Variants in TBC1D2 observed in about 807,000 individuals in gnomAD.
TBC1D2 encodes TBC1 domain family member 2.
A neutral mutation model predicts 91.1 loss-of-function variants in TBC1D2; 58 were observed. That is an observed-to-expected ratio of 0.64 (90% CI 0.52 to 0.79). The LOEUF (loss-of-function observed/expected upper bound fraction) is 0.79. TBC1D2 is among the 30% of genes least tolerant of loss of function. The pLI is 0.00. For synonymous variants in TBC1D2, 482 were observed against 511.5 expected, an observed-to-expected ratio of 0.94 and a Z score of 0.78; for missense variants, 1,080 against 1,208.3, an observed-to-expected ratio of 0.89 and a Z score of 1.57.
At chr9:98,237,776 G>A (rs1829543302) in intron 3 of TBC1D2, among the ~76,000 whole-genome samples, 1 of 151,782 alleles carries the variant, frequency 6.6e-6, no homozygotes, top group South Asian at 2.1e-4. Context: ...TGAATTTTAG[G>A]TTTAACTTGT....
At chr9:98,244,738 A>G (rs1034242768) in intron 2 of TBC1D2, among the ~76,000 whole-genome samples, 2 of 151,084 alleles carry the variant, frequency 1.3e-5, no homozygotes, top group African/African-American at 4.9e-5. Flanking sequence ...ATGGAAGTGC[A>G]GACAAAACTT....
At chr9:98,208,459 A>G (rs1246103575) in intron 9 of TBC1D2, among the ~76,000 whole-genome samples, 1 of 152,162 alleles carries the variant, frequency 6.6e-6, no homozygotes, top group Non-Finnish European at 1.5e-5. Context: ...AGAGTTCACA[A>G]TAGGGTTCAC....
At chr9:98,205,474 C>T (rs534247528) in intron 9 of TBC1D2, among the ~76,000 whole-genome samples, 1 of 152,312 alleles carries the variant, frequency 6.6e-6, no homozygotes, top group South Asian at 2.1e-4. Context: ...TAGCATTAGA[C>T]CATCACTAAA....
intron 4 of TBC1D2, among the ~76,000 whole-genome samples, chr9:98,232,343 T>TTTTTTTTTTTGTTTTTTTTTTTG (rs72298863): frequency 9.2e-6 from 1 of 108,554 alleles, no homozygotes; most frequent in East Asian, 2.4e-4. Context: ...TCTTTTTCTG[T>TTTTTTTTTTTGTTTTTTTTTTTG]TTTTTTTTTT....
In TBC1D2 at chr9:98,199,257, A is replaced by G; in HGVS notation, c.*124T>C. 1 of 1,037,764 alleles carries G rather than the reference A, an allele frequency of 9.6e-7. No individual in the cohort carries two copies. Among genetic ancestry groups the G allele is most frequent in the Non-Finnish European group, 1.4e-6 (1 of 698,046 alleles). The allele number at this position is 1,037,764 out of a possible 1,614,324, so 64.3% of individuals were successfully genotyped here. A position where few individuals can be genotyped will look rare whatever the true frequency, so the allele number is the denominator to read the frequency against. ...GGGGAAACTGAGGGCCAGAGAGGGGAAGGGACATGTCCAAGGTCACATGGT... is the reference window on the plus strand; with the variant it reads ...GGGGAAACTGAGGGCCAGAGAGGGGGAGGGACATGTCCAAGGTCACATGGT... On this transcript the variant is annotated 3_prime_UTR_variant, in exon 13 of 13. Transcript: ENST00000465784.
intron 9 of TBC1D2, among the ~76,000 whole-genome samples, chr9:98,207,214 A>G (rs2119013341): frequency 6.6e-6 from 1 of 152,332 alleles, no homozygotes; most frequent in Non-Finnish European, 1.5e-5. Context: ...AGTATGAAAA[A>G]TATCTACCTT....
chr9:98,244,821 G>C (rs1829731519), intron 2 of TBC1D2, among the ~76,000 whole-genome samples: 1 of 152,100 alleles, frequency 6.6e-6, no homozygotes, highest in Non-Finnish European at 1.5e-5. Context: ...AAAAACTTGG[G>C]AATAGGTTAA....
At chr9:98,238,886 C>T (rs950478869) in intron 3 of TBC1D2, among the ~76,000 whole-genome samples, 4 of 151,220 alleles carry the variant, frequency 2.6e-5, no homozygotes, top group African/African-American at 9.8e-5. Context: ...CCATGGCCGG[C>T]TAATTTTTGT....
intron 10 of TBC1D2, 62 bp downstream of exon 10, chr9:98,203,226 C>G: frequency 6.3e-7 from 1 of 1,593,160 alleles, no homozygotes; most frequent in Non-Finnish European, 8.6e-7. Context: ...TCACAGGCTT[C>G]TAGGAACAGC....
intron 2 of TBC1D2, among the ~76,000 whole-genome samples, chr9:98,250,359 T>G (rs973354044): frequency 1.3e-5 from 2 of 152,034 alleles, no homozygotes; most frequent in East Asian, 3.9e-4. Context: ...GAAAGCTCAC[T>G]CAGGCTGCAG....
chr9:98,200,170 T>C (rs1828447768), intron 12 of TBC1D2, 83 bp downstream of exon 12: 11 of 1,569,958 alleles, frequency 7.0e-6, no homozygotes, highest in Non-Finnish European at 9.5e-6. Flanking sequence ...CAATCTCTAC[T>C]TGGCAAACAT....
At chr9:98,199,651 C>T (rs41274272) in intron 12 of TBC1D2, 63 bp from the exon 13 acceptor site, 1 of 1,564,336 alleles carries the variant, frequency 6.4e-7, no homozygotes, top group African/African-American at 1.4e-5. Flanking sequence ...TTACCCGGCT[C>T]TCCCAGACAG....
At chr9:98,242,646 T>C (rs1829669949) in intron 3 of TBC1D2, among the ~76,000 whole-genome samples, 1 of 152,052 alleles carries the variant, frequency 6.6e-6, no homozygotes, top group African/African-American at 2.4e-5. Context: ...TTAATTACCA[T>C]GCTAAGCTTA....
chr9:98,251,823 G>T lies in TBC1D2; in HGVS notation c.473C>A (p.Ala158Asp). The change falls in exon 2 of 13, where the codon GCC becomes GAC. Residue 158 changes from alanine to aspartate, a missense_variant. By Grantham distance (126) the Ala-to-Asp change is moderately radical. Coordinates refer to ENST00000465784, the MANE Select transcript of TBC1D2 (RefSeq NM_001267571.2). ...CAGGACGGGCCCATTCCCAGCCAGG[G>T]CGGCATCAGGGGTGGCAGGAGGTGC... is the stretch of plus-strand genomic sequence containing the variant. ...PPAPPATPDA[A>D]LAGNGPVLHL... is the part of the protein sequence containing the mutation. The T allele has an allele frequency of 6.2e-7, 1 of 1,603,916 alleles. No homozygotes were observed. Among genetic ancestry groups the T allele is most frequent in the Non-Finnish European group, 8.5e-7 (1 of 1,175,850 alleles).
intron 5 of TBC1D2, among the ~76,000 whole-genome samples, chr9:98,225,476 G>T (rs112936401): frequency 6.6e-6 from 1 of 152,172 alleles, no homozygotes; most frequent in Admixed American, 6.5e-5. Context: ...GCCTCACCAT[G>T]AGACTATGGA....
At position 98,201,593 on chromosome 9, in the gene TBC1D2, G is replaced by A. The variant is rs148540803; in HGVS notation, c.2343C>T (p.His781=). ...LPRLMAHLGQ[H]HVDLSLVTFN... ...AGGTGACGAGGGAGAGATCCACGTG[G>A]TGCTGCCCCAGATGGGCCATCAGCC... The change falls in exon 11 of 13, where the codon CAC becomes CAT. Residue 781 remains histidine, a synonymous_variant. Coordinates refer to ENST00000465784, the MANE Select transcript of TBC1D2 (RefSeq NM_001267571.2). 1,106 of 1,614,144 alleles carry A rather than the reference G, an allele frequency of 6.9e-4. 14 individuals carry two copies. In the East Asian group the frequency reaches 0.024, roughly 35 times the overall value.
At chr9:98,224,151 C>T (rs975925101) in intron 5 of TBC1D2, among the ~76,000 whole-genome samples, 4 of 148,602 alleles carry the variant, frequency 2.7e-5, no homozygotes, top group Non-Finnish European at 4.4e-5. Flanking sequence ...GAGCTGAGAT[C>T]GCACCACTGC....
At position 98,221,188 on chromosome 9, in the gene TBC1D2, T is replaced by G; in HGVS notation, c.1019A>C (p.Gln340Pro). 1 of 1,556,892 alleles carries G rather than the reference T, an allele frequency of 6.4e-7. No homozygotes were observed. The highest frequency in any genetic ancestry group is 1.2e-5 in the South Asian group (1 of 84,854). Residue 340 changes from glutamine (Q) to proline (P), a missense_variant, in exon 6 of 13, where the codon CAG becomes CCG. Transcript: ENST00000465784. ...KILHKALEAA[Q>P]QEKRASSAYL... is the part of the protein sequence containing the mutation. ...TGCGCTGGACGCCCGCTTCTCCTGC[T>G]GGGCGGCCTCCAGTGCCTTGTGCAG...
rs1456959039 is a variant in TBC1D2 at position 98,250,894 on chromosome 9, C to T, written c.511+891G>A. Among the ~76,000 whole-genome samples the T allele has an allele frequency of 3.3e-5, 5 of 152,290 alleles. 1 individual carries two copies. The highest frequency in any genetic ancestry group is 6.5e-5 in the Admixed American group (1 of 15,310). On this transcript the variant is annotated intron_variant, in intron 2 of 12. Transcript: ENST00000465784. Reference sequence around the variant, plus strand: ...GTGGGAGGGTGTGGTCTCCTGGACTCTTCCACGTTGGGATGATCCAGGATT... The same window carrying T: ...GTGGGAGGGTGTGGTCTCCTGGACTTTTCCACGTTGGGATGATCCAGGATT...
Sources: gnomAD v4.1 joint callset for allele counts (sites outside exome capture counted in the v4.1 genomes callset) on GRCh38, gnomAD v4.1.1 for gene constraint, MANE v1.5 for transcripts, NCBI Gene and HGNC (gene_info 2026-07-23, HGNC 2026-07-21) for gene names.